GPC5: variants seen among roughly 807,000 people sequenced by gnomAD.
The protein encoded by GPC5 is glypican-5.
In GPC5, 47 loss-of-function variants were observed where a neutral mutation model predicts 53.9. The ratio of observed to expected loss-of-function variants is 0.87; its 90% CI spans 0.69 to 1.11. GPC5 has a LOEUF of 1.11. GPC5 is among the 50% of genes most tolerant of loss of function. The pLI is 0.00. For missense variants in GPC5, 748 were observed against 713.1 expected (o/e 1.05, Z -0.56); for synonymous variants, 286 against 263.3 (o/e 1.09, Z -0.84).
chr13:92,771,775 C>A (rs1875625431), intron 7 of GPC5, among the ~76,000 whole-genome samples: 2 of 152,154 alleles, frequency 1.3e-5, no homozygotes, highest in South Asian at 2.1e-4. Flanking sequence ...CCCATACCTA[C>A]AAACACCATC....
chr13:92,271,797 A>T (rs1488689367), intron 7 of GPC5, among the ~76,000 whole-genome samples: 2 of 152,222 alleles, frequency 1.3e-5, no homozygotes, highest in African/African-American at 4.8e-5. Context: ...TAAGTAGGAA[A>T]GAAATTACAC....
chr13:92,589,686 A>G (rs1483646119), intron 7 of GPC5, among the ~76,000 whole-genome samples: 1 of 152,198 alleles, frequency 6.6e-6, no homozygotes, highest in Non-Finnish European at 1.5e-5. Flanking sequence ...CACAACAAAT[A>G]AGGTAATCAG....
intron 6 of GPC5, among the ~76,000 whole-genome samples, chr13:91,948,260 T>A (rs1290592509): frequency 6.7e-6 from 1 of 149,090 alleles, no homozygotes; most frequent in African/African-American, 2.5e-5. Flanking sequence ...ATAATAATAA[T>A]AAATAAATAA....
chr13:92,206,177 T>G (rs559221977), intron 7 of GPC5, among the ~76,000 whole-genome samples: 28 of 148,064 alleles, frequency 1.9e-4, no homozygotes, highest in African/African-American at 4.2e-4. Context: ...ATTTTTTTTT[T>G]TTTTTTGAGA....
chr13:92,514,083 T>C (rs546124234), intron 7 of GPC5, among the ~76,000 whole-genome samples: 1 of 151,810 alleles, frequency 6.6e-6, no homozygotes, highest in Non-Finnish European at 1.5e-5. Flanking sequence ...TAAAAAAATA[T>C]AAAAACTAAA....
intron 7 of GPC5, among the ~76,000 whole-genome samples, chr13:92,724,373 A>C (rs975291938): frequency 6.6e-6 from 1 of 151,700 alleles, no homozygotes; most frequent in Non-Finnish European, 1.5e-5. Context: ...TCATGTTAGA[A>C]CATTATACTT....
chr13:91,420,847 G>C (rs1208759853), intron 1 of GPC5, among the ~76,000 whole-genome samples: 1 of 152,176 alleles, frequency 6.6e-6, no homozygotes, highest in Non-Finnish European at 1.5e-5. Context: ...TGCCATGATT[G>C]TAAGTTTCCT....
At chr13:92,615,559 T>C (rs1884653220) in intron 7 of GPC5, among the ~76,000 whole-genome samples, 1 of 152,168 alleles carries the variant, frequency 6.6e-6, no homozygotes, top group African/African-American at 2.4e-5. Flanking sequence ...TATATAGCCT[T>C]CCTGAACCGG....
intron 2 of GPC5, among the ~76,000 whole-genome samples, chr13:91,573,742 C>A (rs2139038572): frequency 6.6e-6 from 1 of 152,016 alleles, no homozygotes; most frequent in South Asian, 2.1e-4. Context: ...GGACACTAAG[C>A]AATATGGAGG....
chr13:91,429,456 G>C (rs1051342608), intron 1 of GPC5, among the ~76,000 whole-genome samples: 10 of 152,182 alleles, frequency 6.6e-5, no homozygotes, highest in African/African-American at 2.4e-4. Context: ...ATACTGATTG[G>C]AAGAGGTTTG....
At chr13:92,663,230 C>G (rs1886409696) in intron 7 of GPC5, among the ~76,000 whole-genome samples, 1 of 151,750 alleles carries the variant, frequency 6.6e-6, no homozygotes, top group South Asian at 2.1e-4. Flanking sequence ...GAAATAAAAA[C>G]TAGTTATAAC....
At chr13:91,459,311 A>C (rs1881776520) in intron 2 of GPC5, among the ~76,000 whole-genome samples, 2 of 152,088 alleles carry the variant, frequency 1.3e-5, no homozygotes, top group South Asian at 4.1e-4. Flanking sequence ...TAATAAAATG[A>C]AATAAAAAAT....
At chr13:92,245,645 A>G (rs1477703494) in intron 7 of GPC5, among the ~76,000 whole-genome samples, 2 of 152,100 alleles carry the variant, frequency 1.3e-5, no homozygotes, top group African/African-American at 2.4e-5. Flanking sequence ...ATGATTTCAT[A>G]TGTGTTTTTA....
chr13:91,497,974 TGATTTTAATGTAAA>T (rs1183930552), intron 2 of GPC5, among the ~76,000 whole-genome samples: 1 of 152,170 alleles, frequency 6.6e-6, no homozygotes, highest in Admixed American at 6.5e-5. Flanking sequence ...CCCCTACTTT[TGATTTTAATGTAAA>T]GATTTATTCC....
At chr13:92,554,473 T>C (rs941371355) in intron 7 of GPC5, among the ~76,000 whole-genome samples, 2 of 151,558 alleles carry the variant, frequency 1.3e-5, no homozygotes, top group African/African-American at 4.8e-5. Context: ...CCTACCTGTA[T>C]AGATTTAACC....
At chr13:91,951,448 C>G (rs141421315) in intron 6 of GPC5, among the ~76,000 whole-genome samples, 1 of 152,106 alleles carries the variant, frequency 6.6e-6, no homozygotes, top group Admixed American at 6.5e-5. Flanking sequence ...ATGGAAAATG[C>G]AAACAAGTCT....
intron 5 of GPC5, among the ~76,000 whole-genome samples, chr13:91,800,207 TCAGA>T (rs1182304430): frequency 2.6e-5 from 4 of 152,128 alleles, no homozygotes; most frequent in Non-Finnish European, 5.9e-5. Flanking sequence ...AGAAATTTAT[TCAGA>T]CACTTGTACC....
intron 7 of GPC5, among the ~76,000 whole-genome samples, chr13:92,343,287 G>A (rs971098896): frequency 1.3e-5 from 2 of 152,164 alleles, no homozygotes; most frequent in Non-Finnish European, 2.9e-5. Flanking sequence ...AGCAGGGCAG[G>A]AAATTGCAAA....
At chr13:91,817,018 T>A (rs1411315251) in intron 5 of GPC5, among the ~76,000 whole-genome samples, 1 of 152,222 alleles carries the variant, frequency 6.6e-6, no homozygotes, top group Non-Finnish European at 1.5e-5. Flanking sequence ...AAATGTTTGT[T>A]CTGGAAGTCT....
Sources: allele counts gnomAD v4.1 joint callset (sites outside exome capture counted in the v4.1 genomes callset), GRCh38; gene constraint gnomAD v4.1.1; transcripts MANE v1.5; gene names NCBI Gene and HGNC (gene_info 2026-07-23, HGNC 2026-07-21).